The following RRAS2 variants were observed in gnomAD, a reference collection of about 807,000 sequenced individuals.
RRAS2 encodes the protein ras-related protein R-Ras2.
In RRAS2, 7 loss-of-function variants were observed where a neutral mutation model predicts 27.6. That is an observed-to-expected ratio of 0.25 (90% CI 0.14 to 0.48). The LOEUF (loss-of-function observed/expected upper bound fraction) is 0.48, where lower values mean the gene tolerates loss of function less well. Ranked by LOEUF, RRAS2 falls within the 20% of genes least tolerant of loss-of-function variation. The pLI, the probability that RRAS2 is intolerant of heterozygous loss-of-function variation, is 0.99. For missense variants in RRAS2, 178 were observed against 256.2 expected (o/e 0.69, Z 2.08); for synonymous variants, 86 against 90.9 (o/e 0.95, Z 0.31).
intron 4 of RRAS2, among the ~76,000 whole-genome samples, chr11:14,284,900 TC>T (rs1302873776): frequency 3.3e-5 from 5 of 152,210 alleles, no homozygotes; most frequent in Admixed American, 3.3e-4. Flanking sequence ...AACCTTTGTG[TC>T]TTCACATTTA....
intron 1 of RRAS2, among the ~76,000 whole-genome samples, chr11:14,324,126 C>T (rs1261901445): frequency 2.0e-5 from 3 of 151,562 alleles, no homozygotes; most frequent in African/African-American, 7.3e-5. Flanking sequence ...AAGTGGTATA[C>T]AAATTTTTAA....
At chr11:14,324,271 A>C (rs1299527352) in intron 1 of RRAS2, among the ~76,000 whole-genome samples, 3 of 152,128 alleles carry the variant, frequency 2.0e-5, no homozygotes, top group African/African-American at 7.2e-5. Flanking sequence ...CAGCAAAAAA[A>C]AATACCACTT....
chr11:14,312,878 AG>A, intron 1 of RRAS2, among the ~76,000 whole-genome samples: 1 of 152,222 alleles, frequency 6.6e-6, no homozygotes, highest in Non-Finnish European at 1.5e-5. Flanking sequence ...AAAATGGGAA[AG>A]CAGCAGCAGC....
chr11:14,357,121 T>C (rs1440342544), intron 1 of RRAS2, among the ~76,000 whole-genome samples: 1 of 152,126 alleles, frequency 6.6e-6, no homozygotes, highest in Non-Finnish European at 1.5e-5. Context: ...ATACCATTAC[T>C]TCCCCAAAAC....
chr11:14,324,428 A>G (rs1332924073), intron 1 of RRAS2, among the ~76,000 whole-genome samples: 1 of 132,300 alleles, frequency 7.6e-6, no homozygotes, highest in African/African-American at 2.8e-5. Flanking sequence ...AACAGAGGCC[A>G]AAAAAAAAAA....
At chr11:14,350,136 T>C (rs1848919346) in intron 1 of RRAS2, among the ~76,000 whole-genome samples, 1 of 152,200 alleles carries the variant, frequency 6.6e-6, no homozygotes, top group Non-Finnish European at 1.5e-5. Flanking sequence ...TTTCTCCTTC[T>C]TTCTTACACA....
At chr11:14,279,561 T>C (rs562959873) in intron 5 of RRAS2, 137 bp from the exon 6 acceptor site, 15 of 676,138 alleles carry the variant, frequency 2.2e-5, no homozygotes, top group Non-Finnish European at 3.3e-5. Context: ...AATTTCTCTC[T>C]TTCCTACCCC....
At chr11:14,356,185 C>T (rs1056711904) in intron 1 of RRAS2, among the ~76,000 whole-genome samples, 15 of 152,080 alleles carry the variant, frequency 9.9e-5, no homozygotes, top group African/African-American at 2.2e-4. Context: ...TCCAGGTGGT[C>T]GGGTTCCTGT....
At chr11:14,289,873 G>T (rs553840981) in intron 4 of RRAS2, among the ~76,000 whole-genome samples, 56 of 152,182 alleles carry the variant, frequency 3.7e-4, no homozygotes, top group Admixed American at 1.8e-3. Flanking sequence ...AAAGAACAAG[G>T]AGAAATGGCA....
intron 1 of RRAS2, among the ~76,000 whole-genome samples, chr11:14,311,988 C>T (rs1847982476): frequency 6.6e-6 from 1 of 152,088 alleles, no homozygotes; most frequent in South Asian, 2.1e-4. Context: ...CTTCAGCCTG[C>T]TGAGTAGCTG....
chr11:14,291,893 A>G (rs1382145874), intron 4 of RRAS2, among the ~76,000 whole-genome samples: 7 of 152,166 alleles, frequency 4.6e-5, no homozygotes, highest in African/African-American at 1.7e-4. Flanking sequence ...AGAATACTGT[A>G]TTTGCATATA....
chr11:14,338,027 G>A (rs1486662909), intron 1 of RRAS2, among the ~76,000 whole-genome samples: 1 of 151,626 alleles, frequency 6.6e-6, no homozygotes, highest in African/African-American at 2.4e-5. Flanking sequence ...ATGCTTGACA[G>A]TTCAAAAAAA....
intron 1 of RRAS2, among the ~76,000 whole-genome samples, chr11:14,333,965 C>T (rs182566344): frequency 7.5e-4 from 114 of 152,290 alleles, no homozygotes; most frequent in Admixed American, 2.7e-3. Context: ...GCTTACCAGT[C>T]TTTTAAAAGT....
At chr11:14,364,059 A>G (rs1014351487), upstream of RRAS2, among the ~76,000 whole-genome samples, 1 of 152,186 alleles carries the variant, frequency 6.6e-6, no homozygotes, top group African/African-American at 2.4e-5. Context: ...AACAAGAGCG[A>G]AACTCTGTCT....
upstream of RRAS2, chr11:14,359,226 G>T: frequency 2.4e-6 from 2 of 836,264 alleles, no homozygotes; most frequent in Non-Finnish European, 2.9e-6. Flanking sequence ...ATGCATGAGG[G>T]GGCGGGGAGG....
chr11:14,356,775 A>G (rs1443424836), intron 1 of RRAS2: 24 of 449,552 alleles, frequency 5.3e-5, no homozygotes, highest in Non-Finnish European at 6.2e-5. Flanking sequence ...TGATTCTATA[A>G]ATTATTAGGA....
At chr11:14,326,274 G>A (rs1350645554) in intron 1 of RRAS2, among the ~76,000 whole-genome samples, 1 of 152,130 alleles carries the variant, frequency 6.6e-6, no homozygotes, top group Admixed American at 6.5e-5. Flanking sequence ...CAAGTAACTA[G>A]ACTGTTATAT....
chr11:14,346,225 A>C (rs1230163628), intron 1 of RRAS2, among the ~76,000 whole-genome samples: 2 of 152,228 alleles, frequency 1.3e-5, no homozygotes, highest in African/African-American at 4.8e-5. Context: ...TCATTAGCTA[A>C]CTTAAAACAA....
chr11:14,348,114 C>G (rs1348008779), intron 1 of RRAS2, among the ~76,000 whole-genome samples: 1 of 152,112 alleles, frequency 6.6e-6, no homozygotes, highest in Non-Finnish European at 1.5e-5. Flanking sequence ...CCTTTATGCT[C>G]TGCTTGGTTC....
Sources: allele counts gnomAD v4.1 joint callset (sites outside exome capture counted in the v4.1 genomes callset), GRCh38; gene constraint gnomAD v4.1.1; transcripts MANE v1.5; gene names NCBI Gene and HGNC (gene_info 2026-07-23, HGNC 2026-07-21).